THSD7A: variants seen among roughly 807,000 people sequenced by gnomAD.
THSD7A encodes thrombospondin type 1 domain containing 7A.
THSD7A carries 96 observed loss-of-function variants against 231.3 expected under a neutral mutation model. The observed-to-expected ratio is 0.41, with a 90% CI of 0.35 to 0.49. The LOEUF is 0.49. Ranked by LOEUF, THSD7A falls within the 20% of genes least tolerant of loss-of-function variation. The pLI is 0.05. For missense variants in THSD7A, 2,290 were observed against 2,070.2 expected (o/e 1.11, Z -2.06); for synonymous variants, 940 against 743.3 (o/e 1.26, Z -4.30).
At chr7:11,639,910 G>A (rs1782016026) in intron 1 of THSD7A, among the ~76,000 whole-genome samples, 1 of 152,110 alleles carries the variant, frequency 6.6e-6, no homozygotes, top group African/African-American at 2.4e-5. Flanking sequence ...ATAAGGACTG[G>A]TGAAGATATC....
At chr7:11,813,056 G>T (rs568179487) in intron 1 of THSD7A, among the ~76,000 whole-genome samples, 2 of 152,154 alleles carry the variant, frequency 1.3e-5, no homozygotes, top group Non-Finnish European at 2.9e-5. Flanking sequence ...AACGATGTAG[G>T]CAACTTCCAA....
chr7:11,494,530 G>T (rs1052877849), intron 6 of THSD7A, among the ~76,000 whole-genome samples: 1 of 151,928 alleles, frequency 6.6e-6, no homozygotes, highest in African/African-American at 2.4e-5. Flanking sequence ...GTTATACACT[G>T]ATTATTACAT....
At chr7:11,711,183 A>G (rs1780949896) in intron 1 of THSD7A, among the ~76,000 whole-genome samples, 1 of 150,976 alleles carries the variant, frequency 6.6e-6, no homozygotes, top group African/African-American at 2.4e-5. Context: ...CATTTAGTTA[A>G]ACACACAGGC....
chr7:11,482,582 A>T (rs1786475136), intron 6 of THSD7A, among the ~76,000 whole-genome samples: 1 of 152,210 alleles, frequency 6.6e-6, no homozygotes, highest in Non-Finnish European at 1.5e-5. Context: ...TCCCAGTTGG[A>T]GAGGGAGGGA....
intron 1 of THSD7A, among the ~76,000 whole-genome samples, chr7:11,781,778 G>T (rs955918884): frequency 6.6e-6 from 1 of 152,150 alleles, no homozygotes; most frequent in Non-Finnish European, 1.5e-5. Flanking sequence ...AAAAATAGTT[G>T]TTAAAGATTT....
At chr7:11,607,616 T>C (rs541689567) in intron 2 of THSD7A, among the ~76,000 whole-genome samples, 51 of 152,110 alleles carry the variant, frequency 3.4e-4, no homozygotes, top group Non-Finnish European at 4.0e-4. Flanking sequence ...AAATTTCTTA[T>C]AATTATTTAT....
At chr7:11,780,389 G>C (rs1316351751) in intron 1 of THSD7A, among the ~76,000 whole-genome samples, 2 of 152,164 alleles carry the variant, frequency 1.3e-5, no homozygotes, top group African/African-American at 4.8e-5. Context: ...AAGATCATAA[G>C]CTCTAGTCTT....
chr7:11,547,145 C>T (rs534313051), intron 4 of THSD7A, among the ~76,000 whole-genome samples: 1 of 152,250 alleles, frequency 6.6e-6, no homozygotes, highest in African/African-American at 2.4e-5. Flanking sequence ...ACAAGAGGTC[C>T]TTAAGGGAGT....
intron 2 of THSD7A, among the ~76,000 whole-genome samples, chr7:11,618,660 C>T (rs1475094188): frequency 6.6e-6 from 1 of 151,800 alleles, no homozygotes; most frequent in African/African-American, 2.4e-5. Flanking sequence ...ATTAGCCGGG[C>T]GCCTGTAGTC....
At chr7:11,722,330 C>A (rs886451102) in intron 1 of THSD7A, among the ~76,000 whole-genome samples, 6 of 151,770 alleles carry the variant, frequency 4.0e-5, no homozygotes, top group African/African-American at 1.2e-4. Flanking sequence ...GTGCAGTTTG[C>A]CTTTCTATAA....
intron 1 of THSD7A, among the ~76,000 whole-genome samples, chr7:11,789,866 G>C (rs534859397): frequency 3.4e-4 from 52 of 152,006 alleles, no homozygotes; most frequent in African/African-American, 1.3e-3. Flanking sequence ...TTCTTCCTAA[G>C]TATCCTGTAA....
In THSD7A at chr7:11,411,888, A is replaced by G. The variant is rs1583691780; in HGVS notation, c.3683-566T>C. ...CCTCTTTCCCTGGGTAACATAGCAC[A>G]TCCCAGATAACTGTGATTTTTTTTT... On this transcript the variant is annotated intron_variant, in intron 18 of 27. Coordinates refer to ENST00000423059, the MANE Select transcript of THSD7A (RefSeq NM_015204.3). The surrounding 1 kb of genome is among the most constrained non-coding windows in gnomAD (Gnocchi z 4.1). Among the ~76,000 whole-genome samples the G allele has an allele frequency of 6.7e-6, 1 of 148,682 alleles. No individual in the cohort carries two copies. The highest frequency in any genetic ancestry group is 2.0e-4 in the East Asian group (1 of 5,128).
chr7:11,432,980 A>G (rs1031229326), intron 13 of THSD7A, among the ~76,000 whole-genome samples: 1 of 152,032 alleles, frequency 6.6e-6, no homozygotes, highest in Non-Finnish European at 1.5e-5. Flanking sequence ...AGTCCCAGAT[A>G]ATCTTCTGGA....
intron 24 of THSD7A, among the ~76,000 whole-genome samples, chr7:11,381,612 G>C (rs17623878): frequency 0.017 from 2,543 of 152,274 alleles, 31 homozygotes; most frequent in Middle Eastern, 0.034. Context: ...AAGCAGGTCT[G>C]CCTGAGCAGT....
At chr7:11,656,256 A>T (rs1272608020) in intron 1 of THSD7A, among the ~76,000 whole-genome samples, 1 of 151,940 alleles carries the variant, frequency 6.6e-6, no homozygotes, top group African/African-American at 2.4e-5. Context: ...ATTGATCTGC[A>T]TCATTCAGCA....
intron 4 of THSD7A, among the ~76,000 whole-genome samples, chr7:11,576,762 G>T (rs1024193863): frequency 2.0e-5 from 3 of 152,068 alleles, no homozygotes; most frequent in African/African-American, 7.2e-5. Flanking sequence ...TAATTGCGTT[G>T]GCTCCTATAA....
chr7:11,697,769 CAAGAACCTGTCCAATAAG>C (rs1163309539), intron 1 of THSD7A, among the ~76,000 whole-genome samples: 2 of 151,388 alleles, frequency 1.3e-5, no homozygotes, highest in Admixed American at 1.3e-4. Flanking sequence ...GCAGAAAATG[CAAGAACCTGTCCAATAAG>C]AAGAACCTGT....
intron 1 of THSD7A, among the ~76,000 whole-genome samples, chr7:11,789,270 G>C (rs1218497843): frequency 6.6e-6 from 1 of 152,008 alleles, no homozygotes; most frequent in Non-Finnish European, 1.5e-5. Flanking sequence ...CAATCAACCT[G>C]TCATGTAGGC....
chr7:11,738,575 T>C (rs1046444450), intron 1 of THSD7A, among the ~76,000 whole-genome samples: 1 of 152,044 alleles, frequency 6.6e-6, no homozygotes, highest in Non-Finnish European at 1.5e-5. Context: ...TTAAATTCTT[T>C]GTGCCTCAGA....
Sources: gnomAD v4.1 joint callset for allele counts (sites outside exome capture counted in the v4.1 genomes callset) on GRCh38, gnomAD v4.1.1 for gene constraint, Gnocchi (gnomAD v3.1) non-coding constraint, MANE v1.5 for transcripts, NCBI Gene and HGNC (gene_info 2026-07-23, HGNC 2026-07-21) for gene names.